Variants in ZBED4 observed in about 807,000 individuals in gnomAD.
ZBED4 encodes the protein zinc finger BED-type containing 4.
In ZBED4, 4 loss-of-function variants were observed where a neutral mutation model predicts 15.5. That is an observed-to-expected ratio of 0.26 (90% CI 0.13 to 0.59). The LOEUF (loss-of-function observed/expected upper bound fraction) is 0.59. Among genes scored for constraint, ZBED4 ranks in the 20% least tolerant of loss-of-function variants. ZBED4 has a pLI of 0.90. For synonymous variants in ZBED4, 692 were observed against 608.5 expected (o/e 1.14, Z -2.02); for missense variants, 1,323 against 1,461.8 (o/e 0.91, Z 1.55).
intron 1 of ZBED4, among the ~76,000 whole-genome samples, chr22:49,880,626 T>A (rs2060404236): frequency 6.6e-6 from 1 of 152,248 alleles, no homozygotes; most frequent in Non-Finnish European, 1.5e-5. Context: ...TCAACCTGGT[T>A]TCCTTTGTTT....
At chr22:49,881,556 G>C (rs1043068710) in intron 1 of ZBED4, among the ~76,000 whole-genome samples, 2 of 152,102 alleles carry the variant, frequency 1.3e-5, no homozygotes, top group Non-Finnish European at 2.9e-5. Flanking sequence ...GGCTAATTTT[G>C]TTTGTAAAGA....
chr22:49,877,374 C>G (rs1269087988), intron 1 of ZBED4, among the ~76,000 whole-genome samples: 1 of 152,070 alleles, frequency 6.6e-6, no homozygotes, highest in Non-Finnish European at 1.5e-5. Context: ...TCACTGCAAC[C>G]TCCGCCTCCC....
chr22:49,867,760 T>G (rs1486261879), intron 1 of ZBED4, among the ~76,000 whole-genome samples: 1 of 152,162 alleles, frequency 6.6e-6, no homozygotes, highest in Non-Finnish European at 1.5e-5. Context: ...GCAAGGGGGC[T>G]TCCATCCTGA....
At chr22:49,869,217 A>G (rs1307788984) in intron 1 of ZBED4, among the ~76,000 whole-genome samples, 1 of 151,866 alleles carries the variant, frequency 6.6e-6, no homozygotes, top group African/African-American at 2.4e-5. Flanking sequence ...GTCAGTGTGA[A>G]GTTGTGGCTT....
chr22:49,878,898 A>G (rs1019680272), intron 1 of ZBED4, among the ~76,000 whole-genome samples: 2 of 151,808 alleles, frequency 1.3e-5, no homozygotes, highest in South Asian at 2.1e-4. Context: ...TAACCCCAAC[A>G]CTTTGGGAGG....
At chr22:49,859,886 G>C (rs556853831) in intron 1 of ZBED4, among the ~76,000 whole-genome samples, 1 of 151,968 alleles carries the variant, frequency 6.6e-6, no homozygotes, top group Non-Finnish European at 1.5e-5. Flanking sequence ...AATCAGCTGG[G>C]CATGATGGTA....
In ZBED4 at chr22:49,884,899, G is replaced by A. The variant is rs1266321898; in HGVS notation, c.1237G>A (p.Ala413Thr). 1.2e-6 allele frequency: 2 copies of A among 1,602,372 alleles called. No individual in the cohort carries two copies. The highest frequency in any genetic ancestry group is 2.2e-5 in the East Asian group (1 of 44,714). Residue 413 changes from alanine to threonine, a missense_variant, in exon 2 of 2, where the codon GCC becomes ACC. By Grantham distance (58) the Ala-to-Thr change is moderately conservative (BLOSUM62 0). Coordinates refer to ENST00000216268, the MANE Select transcript of ZBED4 (RefSeq NM_014838.3). ...AGATGGGCTGATGGAAGACGTGGCG[G>A]CCTTCTCATCTTCCGATGACATAGG... ...PGDGLMEDVA[A>T]FSSSDDIGEA...
At chr22:49,880,557 C>G (rs971421723) in intron 1 of ZBED4, among the ~76,000 whole-genome samples, 1 of 152,256 alleles carries the variant, frequency 6.6e-6, no homozygotes, top group African/African-American at 2.4e-5. Context: ...TTTCTCTTCT[C>G]TCTCAGCGTC....
intron 1 of ZBED4, among the ~76,000 whole-genome samples, chr22:49,859,024 G>GC (rs1163352912): frequency 6.6e-6 from 1 of 151,998 alleles, no homozygotes; most frequent in South Asian, 2.1e-4. Context: ...TTGTGTCCCT[G>GC]CCCCCCACAG....
chr22:49,854,347 C>G (rs1323361613), intron 1 of ZBED4, among the ~76,000 whole-genome samples: 1 of 151,638 alleles, frequency 6.6e-6, no homozygotes, highest in East Asian at 2.0e-4. Context: ...CTGTCCCGGC[C>G]ACGTCGAGTT....
intron 1 of ZBED4, among the ~76,000 whole-genome samples, chr22:49,862,584 C>G (rs2060301972): frequency 6.6e-6 from 1 of 152,192 alleles, no homozygotes; most frequent in Non-Finnish European, 1.5e-5. Context: ...CGTGCCGCCC[C>G]AGCCCCTCCC....
intron 1 of ZBED4, among the ~76,000 whole-genome samples, chr22:49,877,167 G>A (rs1480268200): frequency 6.6e-6 from 1 of 151,746 alleles, no homozygotes; most frequent in Non-Finnish European, 1.5e-5. Flanking sequence ...GTGTCTTTAT[G>A]TTTAAAGCGT....
Position 49,865,083 on chromosome 22 carries a change from C to T in ZBED4, c.-330+11094C>T, listed in dbSNP as rs1016321745. Reference sequence around the variant, plus strand: ...GGGCAGGGGTGTGTTCTGAGAAATGCGTTACTCAGCGATGTTGTCGTTGTG... The same window carrying T: ...GGGCAGGGGTGTGTTCTGAGAAATGTGTTACTCAGCGATGTTGTCGTTGTG... On this transcript the variant is annotated intron_variant, in intron 1 of 1. Transcript: ENST00000216268. Among the ~76,000 whole-genome samples the T allele has an allele frequency of 2.6e-5, 4 of 151,898 alleles. No individual in the cohort carries two copies. In the South Asian group the frequency reaches 6.2e-4, roughly 24 times the overall value.
In ZBED4 at chr22:49,884,116, T is replaced by A; in HGVS notation, c.454T>A (p.Leu152Met). 6.2e-7 allele frequency: 1 copy of A among 1,613,680 alleles called. No individual in the cohort carries two copies. The highest frequency in any genetic ancestry group is 8.5e-7 in the Non-Finnish European group (1 of 1,179,852). The change falls in exon 2 of 2, where the codon TTG becomes ATG. Residue 152 changes from leucine (L) to methionine (M), a missense_variant. This residue lies in a region of ZBED4 where 380 missense variants were observed against 413.7 expected (regional missense o/e 0.92). Transcript: ENST00000216268. ...CAGCAGAGGCAAAAACGAGAAAGACTTGAGTACCAGTTGTCTCATGAGGCA... is the reference window on the plus strand; with the variant it reads ...CAGCAGAGGCAAAAACGAGAAAGACATGAGTACCAGTTGTCTCATGAGGCA... ...EFSRGKNEKD[L>M]STSCLMRHVR...
intron 1 of ZBED4, among the ~76,000 whole-genome samples, chr22:49,874,274 C>A (rs1479368859): frequency 1.3e-5 from 2 of 152,182 alleles, no homozygotes; most frequent in African/African-American, 4.8e-5. Flanking sequence ...TCCTTCCATT[C>A]CTGGTTTGTG....
intron 1 of ZBED4, among the ~76,000 whole-genome samples, chr22:49,862,851 A>G (rs1439357994): frequency 6.6e-6 from 1 of 150,874 alleles, no homozygotes; most frequent in Non-Finnish European, 1.5e-5. Flanking sequence ...ACAGGTGCCC[A>G]CCACCACGCC....
At position 49,883,131 on chromosome 22, in the gene ZBED4, T is replaced by C. The variant is rs1248017569; in HGVS notation, c.-329-203T>C. Among the ~76,000 whole-genome samples the C allele has an allele frequency of 9.8e-5, 15 of 152,314 alleles. No individual in the cohort carries two copies. In the East Asian group the frequency reaches 2.5e-3, roughly 25 times the overall value. On this transcript the variant is annotated intron_variant, in intron 1 of 1. Transcript: ENST00000216268. ...AATAGGCCACTTGCATTTTTTTTCA[T>C]GTCTCTATTTTTTGCTTATTTTGCA...
intron 1 of ZBED4, among the ~76,000 whole-genome samples, chr22:49,881,309 G>A (rs1047470144): frequency 2.0e-5 from 3 of 152,252 alleles, no homozygotes; most frequent in Admixed American, 6.5e-5. Flanking sequence ...AGATCGTGCC[G>A]CTGCACACTG....
rs765213568 is a variant in ZBED4, at chr22:49,884,633, C to T, written c.971C>T (p.Thr324Met). 10 of 1,612,624 alleles carry T rather than the reference C, an allele frequency of 6.2e-6. No homozygotes were observed. The highest frequency in any genetic ancestry group is 1.1e-5 in the South Asian group (1 of 90,878). Residue 324 changes from threonine (T) to methionine (M), a missense_variant, in exon 2 of 2, where the codon ACG (threonine) becomes ATG (methionine). Thr to Met is a moderately conservative substitution (Grantham distance 81). Transcript: ENST00000216268. ...GGGAAGAATGGGAAGGACCTGGGCA[C>T]GAGCTGCCTCATCAGGCACATGTGG... Reference protein sequence around the residue: ...SRGKNGKDLGTSCLIRHMWRA... With the variant: ...SRGKNGKDLGMSCLIRHMWRA...
Sources: allele counts gnomAD v4.1 joint callset (sites outside exome capture counted in the v4.1 genomes callset), GRCh38; gene constraint gnomAD v4.1.1; regional missense constraint gnomAD v4.1.1; transcripts MANE v1.5; gene names NCBI Gene and HGNC (gene_info 2026-07-23, HGNC 2026-07-21).